Variants in ASTN2 observed in about 807,000 individuals in gnomAD.
The protein encoded by ASTN2 is astrotactin 2, also known as astrotactin-2.
Under a neutral mutation model 139.8 loss-of-function variants are expected in ASTN2, and 54 were observed. That is an observed-to-expected ratio of 0.39 (90% CI 0.31 to 0.48). The LOEUF is 0.48. Ranked by LOEUF, ASTN2 falls within the 20% of genes least tolerant of loss-of-function variation. The pLI is 0.95. For synonymous variants in ASTN2, 756 were observed against 719.5 expected (o/e 1.05, Z -0.81); for missense variants, 1,565 against 1,725.1 (o/e 0.91, Z 1.64).
At chr9:117,071,812 G>C (rs906002905) in intron 5 of ASTN2, among the ~76,000 whole-genome samples, 1 of 151,954 alleles carries the variant, frequency 6.6e-6, no homozygotes, top group Non-Finnish European at 1.5e-5. Flanking sequence ...ACTCGGAAAG[G>C]GAACTCCCTG....
rs71379248 is a variant in ASTN2, at chr9:116,999,548, C to CTTTTTTTTTTT, written c.1591+8533_1591+8543dup. ...TTCCTCTTTCTTTCTTTCTCTCTTTCTTTTTTTTTTTTTTTTTTTTTTTTT... is the reference window on the plus strand; with the variant it reads ...TTCCTCTTTCTTTCTTTCTCTCTTTCTTTTTTTTTTTTTTTTTTTTTTTTTTTTTTTTTTTT... On this transcript the variant is annotated intron_variant, in intron 7 of 22. Coordinates refer to ENST00000313400, the MANE Select transcript of ASTN2 (RefSeq NM_001365068.1). Among the ~76,000 whole-genome samples the CTTTTTTTTTTT allele has an allele frequency of 1.5e-4, 14 of 94,918 alleles. 1 individual carries two copies. The highest frequency in any genetic ancestry group is 3.2e-4 in the East Asian group (1 of 3,150). The allele number at this position is 94,918 out of a possible 152,430, so 62.3% of individuals were successfully genotyped here. A position where few individuals can be genotyped will look rare whatever the true frequency, so the allele number is the denominator to read the frequency against.
chr9:116,591,535 G>C (rs1306170640), intron 19 of ASTN2, among the ~76,000 whole-genome samples: 2 of 152,164 alleles, frequency 1.3e-5, no homozygotes, highest in African/African-American at 2.4e-5. Context: ...TTTTTAAATG[G>C]CAGCTACTCC....
intron 13 of ASTN2, among the ~76,000 whole-genome samples, chr9:116,779,216 G>A (rs892856375): frequency 2.6e-5 from 4 of 152,118 alleles, no homozygotes; most frequent in Non-Finnish European, 4.4e-5. Flanking sequence ...TCTTTTGGTA[G>A]GTGTTTGGGT....
chr9:117,198,919 G>A (rs1821612060), intron 3 of ASTN2, among the ~76,000 whole-genome samples: 1 of 152,086 alleles, frequency 6.6e-6, no homozygotes, highest in Non-Finnish European at 1.5e-5. Flanking sequence ...TATGTTTGTT[G>A]GCTGCATAAA....
At chr9:117,058,055 C>G (rs2132679395) in intron 5 of ASTN2, among the ~76,000 whole-genome samples, 1 of 152,284 alleles carries the variant, frequency 6.6e-6, no homozygotes, top group Middle Eastern at 3.4e-3. Flanking sequence ...AGTATTATAA[C>G]CAGGTAGAGA....
chr9:117,414,973 G>T lies in ASTN2; in HGVS notation c.-35C>A. 1 of 209,036 alleles carries T rather than the reference G, an allele frequency of 4.8e-6. No individual in the cohort carries two copies. The highest frequency in any genetic ancestry group is 8.7e-6 in the Non-Finnish European group (1 of 114,290). 12.9% of individuals were successfully genotyped at this position (209,036 alleles called of 1,614,324 possible). A position where few individuals can be genotyped will look rare whatever the true frequency, so the allele number is the denominator to read the frequency against. ...GGCTGCGGTGCTGCGGGCGGCGGCG[G>T]CGGTGGCGGCGGTGGCGAAGGAGGA... On this transcript the variant is annotated 5_prime_UTR_variant, in exon 1 of 23. Transcript: ENST00000313400. The surrounding 1 kb of genome is among the most constrained non-coding windows in gnomAD (Gnocchi z 4.2).
chr9:116,616,805 A>AC (rs1554721320), intron 19 of ASTN2, among the ~76,000 whole-genome samples: 1 of 150,756 alleles, frequency 6.6e-6, no homozygotes, highest in Non-Finnish European at 1.5e-5. Context: ...ACACACACAC[A>AC]AAATACACAC....
chr9:116,749,451 G>A (rs555607929), intron 13 of ASTN2, among the ~76,000 whole-genome samples: 14 of 152,164 alleles, frequency 9.2e-5, no homozygotes, highest in South Asian at 2.1e-4. Flanking sequence ...AATCCTTCCC[G>A]CCCGCCACTG....
intron 10 of ASTN2, among the ~76,000 whole-genome samples, chr9:116,948,698 AGTGTGTGTGTGTGTGT>A (rs112233837): frequency 1.3e-4 from 18 of 135,348 alleles, no homozygotes; most frequent in African/African-American, 3.7e-4. Context: ...TATATGTGTG[AGTGTGTGTGTGTGTGT>A]GTGTGTGTGT....
chr9:117,125,499 A>G (rs976456503), intron 4 of ASTN2, among the ~76,000 whole-genome samples: 1 of 152,226 alleles, frequency 6.6e-6, no homozygotes, highest in Non-Finnish European at 1.5e-5. Context: ...ATGTGGAAAG[A>G]AAACAAATGA....
intron 3 of ASTN2, among the ~76,000 whole-genome samples, chr9:117,158,621 C>G (rs541315571): frequency 2.6e-5 from 4 of 151,956 alleles, no homozygotes; most frequent in African/African-American, 9.7e-5. Context: ...TCAGTGAGTG[C>G]ATGGCAGAAG....
At chr9:117,133,525 T>C (rs534550261) in intron 4 of ASTN2, among the ~76,000 whole-genome samples, 8 of 152,268 alleles carry the variant, frequency 5.3e-5, no homozygotes, top group African/African-American at 1.9e-4. Flanking sequence ...TTTGATTAAT[T>C]GTCCATTAAT....
chr9:116,605,209 C>CG (rs1053398095), intron 19 of ASTN2, among the ~76,000 whole-genome samples: 46 of 151,842 alleles, frequency 3.0e-4, no homozygotes, highest in Non-Finnish European at 5.3e-4. Context: ...TGATACTGAT[C>CG]GGGGGGGAGA....
chr9:116,480,697 C>T lies in ASTN2; in HGVS notation c.3497+6662G>A, dbSNP rs183414976. 8.5e-5 allele frequency among the ~76,000 whole-genome samples: 13 copies of T among 152,220 alleles called. No homozygotes were observed. The East Asian group carries it at 1.5e-3, about 18-fold the overall frequency. On this transcript the variant is annotated intron_variant, in intron 20 of 22. Coordinates refer to ENST00000313400, the MANE Select transcript of ASTN2 (RefSeq NM_001365068.1). ...AAAGAGGCAACATCTAATCATGGAC[C>T]TGAAGGAGAACAAGGAAACACACAT...
chr9:116,472,926 T>A (rs1415963219), intron 20 of ASTN2, among the ~76,000 whole-genome samples: 2 of 44,544 alleles, frequency 4.5e-5, no homozygotes, highest in African/African-American at 8.2e-5. Flanking sequence ...GACTCTGTCT[T>A]GGAAAAAAAA....
intron 19 of ASTN2, among the ~76,000 whole-genome samples, chr9:116,516,759 G>A (rs1380167544): frequency 6.6e-6 from 1 of 152,200 alleles, no homozygotes; most frequent in Non-Finnish European, 1.5e-5. Flanking sequence ...AAATAGGCTT[G>A]GTGCTGTTGG....
At chr9:116,618,227 C>A in intron 19 of ASTN2, 97 bp downstream of exon 19, 1 of 1,335,576 alleles carries the variant, frequency 7.5e-7, no homozygotes, top group Non-Finnish European at 1.0e-6. Context: ...CAATGCCTTC[C>A]CAAGACAGAT....
intron 2 of ASTN2, among the ~76,000 whole-genome samples, chr9:117,246,058 G>A (rs2133082448): frequency 6.6e-6 from 1 of 152,200 alleles, no homozygotes; most frequent in Non-Finnish European, 1.5e-5. Context: ...GCATGGCACA[G>A]ACAAGACAAA....
At chr9:117,160,293 A>G (rs1461775050) in intron 3 of ASTN2, among the ~76,000 whole-genome samples, 1 of 152,032 alleles carries the variant, frequency 6.6e-6, no homozygotes, top group Admixed American at 6.6e-5. Context: ...GGTCCAGTCA[A>G]AGGGAGGCAT....
Sources: allele counts gnomAD v4.1 joint callset (sites outside exome capture counted in the v4.1 genomes callset), GRCh38; gene constraint gnomAD v4.1.1; non-coding constraint Gnocchi (gnomAD v3.1); transcripts MANE v1.5; gene names NCBI Gene and HGNC (gene_info 2026-07-23, HGNC 2026-07-21).